Variants in FERMT2 observed in about 807,000 individuals in gnomAD.
The protein encoded by FERMT2 is FERM domain containing kindlin 2.
Under a neutral mutation model 82.7 loss-of-function variants are expected in FERMT2, and 15 were observed. The ratio of observed to expected loss-of-function variants is 0.18; its 90% confidence interval spans 0.12 to 0.28. The LOEUF (loss-of-function observed/expected upper bound fraction) is 0.28, where lower values mean the gene tolerates loss of function less well. Ranked by LOEUF, FERMT2 falls within the 10% of genes least tolerant of loss-of-function variation. The pLI, the probability that FERMT2 is intolerant of heterozygous loss-of-function variation, is 1.00. For synonymous variants in FERMT2, 274 were observed against 271.5 expected (o/e 1.01, Z -0.09); for missense variants, 645 against 809.4 (o/e 0.80, Z 2.46).
At chr14:52,872,442 G>A (rs1378242034) in intron 10 of FERMT2, among the ~76,000 whole-genome samples, 1 of 152,138 alleles carries the variant, frequency 6.6e-6, no homozygotes, top group African/African-American at 2.4e-5. Flanking sequence ...ACTGAGGCAA[G>A]AAAATCGCTT....
chr14:52,883,954 T>C (rs1277471075), intron 4 of FERMT2, among the ~76,000 whole-genome samples: 3 of 152,188 alleles, frequency 2.0e-5, no homozygotes, highest in African/African-American at 7.2e-5. Flanking sequence ...GATGCCACCA[T>C]GCTTCCTGGA....
At chr14:52,904,394 A>G (rs919944361) in intron 3 of FERMT2, among the ~76,000 whole-genome samples, 175 of 152,054 alleles carry the variant, frequency 1.2e-3, no homozygotes, top group African/African-American at 4.2e-3. Flanking sequence ...GCATGTACCT[A>G]TAATCCCAGC....
At position 52,884,825 on chromosome 14, in the gene FERMT2, ACT is replaced by A. The variant is rs769346797; in HGVS notation, c.527-3358_527-3357del. 6.6e-5 allele frequency among the ~76,000 whole-genome samples: 10 copies of A among 151,474 alleles called. No homozygotes were observed. The South Asian group carries it at 1.9e-3, about 28-fold the overall frequency. ...AGACCAGCCTGGCCAACATGGTGAA[ACT>A]CTGTCTCCACTAAAAATATAAAAAA... On this transcript the variant is annotated intron_variant, in intron 4 of 14. Transcript: ENST00000341590.
intron 3 of FERMT2, among the ~76,000 whole-genome samples, chr14:52,911,232 A>T (rs981355707): frequency 3.3e-5 from 5 of 152,284 alleles, no homozygotes; most frequent in African/African-American, 1.2e-4. Context: ...ATTCCAATAC[A>T]ACTTTATTTA....
chr14:52,916,660 T>C (rs1888632348), intron 3 of FERMT2, among the ~76,000 whole-genome samples: 1 of 152,168 alleles, frequency 6.6e-6, no homozygotes, highest in African/African-American at 2.4e-5. Flanking sequence ...ACACCAGAAG[T>C]GAACCCTAAC....
chr14:52,878,320 A>G (rs984231427), intron 7 of FERMT2, among the ~76,000 whole-genome samples: 6 of 152,184 alleles, frequency 3.9e-5, no homozygotes, highest in African/African-American at 9.6e-5. Flanking sequence ...GGGTGAGAGG[A>G]TAATTTTTTT....
intron 2 of FERMT2, among the ~76,000 whole-genome samples, chr14:52,934,135 T>C (rs980287269): frequency 1.3e-5 from 2 of 152,218 alleles, no homozygotes; most frequent in Non-Finnish European, 2.9e-5. Context: ...CTAATAAATA[T>C]TTATAAACTA....
intron 10 of FERMT2, among the ~76,000 whole-genome samples, chr14:52,871,161 G>T (rs1040895935): frequency 6.6e-6 from 1 of 152,156 alleles, no homozygotes; most frequent in Admixed American, 6.5e-5. Context: ...TTCATTTTCT[G>T]TGTCTCTAAC....
chr14:52,944,900 C>A (rs1890257837), intron 2 of FERMT2, among the ~76,000 whole-genome samples: 1 of 151,790 alleles, frequency 6.6e-6, no homozygotes, highest in Admixed American at 6.6e-5. Context: ...CTCAGATTTT[C>A]TTTTTCTTTT....
chr14:52,936,961 C>T (rs1889864409), intron 2 of FERMT2, among the ~76,000 whole-genome samples: 1 of 151,840 alleles, frequency 6.6e-6, no homozygotes, highest in Admixed American at 6.6e-5. Context: ...TGGAGACCAG[C>T]CTGGCCAACA....
At chr14:52,888,950 A>AC (rs1886767005) in intron 4 of FERMT2, among the ~76,000 whole-genome samples, 1 of 152,178 alleles carries the variant, frequency 6.6e-6, no homozygotes, top group African/African-American at 2.4e-5. Context: ...ATTTGCTAAA[A>AC]TTATGGGTCT....
At chr14:52,881,751 C>G (rs934958584) in intron 4 of FERMT2, 1 of 1,333,834 alleles carries the variant, frequency 7.5e-7, no homozygotes, top group African/African-American at 1.5e-5. Context: ...ATAGCTGAAG[C>G]AGACAGACCA....
At chr14:52,923,579 C>T (rs1889085141) in intron 2 of FERMT2, among the ~76,000 whole-genome samples, 2 of 151,758 alleles carry the variant, frequency 1.3e-5, no homozygotes, top group Non-Finnish European at 1.5e-5. Flanking sequence ...TAAAACCTGT[C>T]CCTCCCCCAT....
At chr14:52,872,583 CAA>C (rs1885693225) in intron 10 of FERMT2, among the ~76,000 whole-genome samples, 2 of 152,008 alleles carry the variant, frequency 1.3e-5, no homozygotes, top group South Asian at 2.1e-4. Context: ...CAAGTCTGCA[CAA>C]AGAGATTACA....
intron 3 of FERMT2, among the ~76,000 whole-genome samples, chr14:52,906,500 T>A (rs911572847): frequency 1.7e-5 from 2 of 120,498 alleles, no homozygotes; most frequent in African/African-American, 6.6e-5. Flanking sequence ...TACAAAAAAA[T>A]CCAGCCACTA....
intron 2 of FERMT2, among the ~76,000 whole-genome samples, chr14:52,947,631 G>A (rs905085486): frequency 6.6e-6 from 1 of 152,154 alleles, no homozygotes; most frequent in Non-Finnish European, 1.5e-5. Context: ...AGATATTACT[G>A]ACACATATTA....
chr14:52,870,149 A>G (rs1885527275), intron 10 of FERMT2, among the ~76,000 whole-genome samples: 1 of 152,234 alleles, frequency 6.6e-6, no homozygotes, highest in East Asian at 1.9e-4. Context: ...AGCATATAGT[A>G]ATGTCCTAGG....
At chr14:52,895,776 GTATC>G (rs894350491) in intron 3 of FERMT2, among the ~76,000 whole-genome samples, 12 of 152,188 alleles carry the variant, frequency 7.9e-5, no homozygotes, top group Non-Finnish European at 1.3e-4. Flanking sequence ...AGTTTATGGT[GTATC>G]TATTATACTA....
intron 2 of FERMT2, among the ~76,000 whole-genome samples, chr14:52,927,516 A>G (rs1342937135): frequency 3.9e-5 from 5 of 128,820 alleles, no homozygotes; most frequent in Non-Finnish European, 6.3e-5. Context: ...ACACTTTGGG[A>G]GGTTTGAGGT....
Sources: allele counts gnomAD v4.1 joint callset (sites outside exome capture counted in the v4.1 genomes callset), GRCh38; gene constraint gnomAD v4.1.1; transcripts MANE v1.5; gene names NCBI Gene and HGNC (gene_info 2026-07-23, HGNC 2026-07-21).